VIP: variants seen among roughly 807,000 people sequenced by gnomAD.
VIP encodes the protein vasoactive intestinal peptide, also known as VIP peptides.
In VIP, 18 loss-of-function variants were observed where a neutral mutation model predicts 20.1. The ratio of observed to expected loss-of-function variants is 0.90; its 90% CI spans 0.62 to 1.33. The LOEUF (loss-of-function observed/expected upper bound fraction) is 1.33. Ranked by LOEUF, VIP falls within the 40% of genes most tolerant of loss-of-function variation. The probability of loss-of-function intolerance (pLI) is 0.00; values close to 1 mark genes in which losing one functional copy is unlikely to be tolerated. For synonymous variants in VIP, 70 were observed against 68.1 expected (o/e 1.03, Z -0.14); for missense variants, 209 against 199.4 (o/e 1.05, Z -0.29).
chr6:152,759,082 G>A lies in VIP; in HGVS notation c.*216G>A, dbSNP rs1331597493. On this transcript the variant is annotated 3_prime_UTR_variant, in exon 7 of 7. Transcript: ENST00000367244. ...TTTACATTGTAAATAGTATTTGAGA[G>A]TTCTAAATTTTGTCTTTAACTCATA... 1 of 152,286 alleles carries A rather than the reference G, an allele frequency of 6.6e-6. No individual in the cohort carries two copies. The highest frequency in any genetic ancestry group is 2.4e-5 in the African/African-American group (1 of 41,374). The allele number at this position is 152,286 out of a possible 1,614,324, so 9.4% of individuals were successfully genotyped here.
chr6:152,750,938 C>T lies in VIP; in HGVS notation c.-32C>T, dbSNP rs1235646336. ...CAAAACAAACCAGAACAGTCAGCTC[C>T]GGGGGAGCACGACTGGGCGAGGTAA... On this transcript the variant is annotated 5_prime_UTR_variant, in exon 1 of 7. Transcript: ENST00000367244. 6.6e-6 allele frequency: 1 copy of T among 152,106 alleles called. No homozygotes were observed. Among genetic ancestry groups the T allele is most frequent in the Non-Finnish European group, 1.5e-5 (1 of 68,040 alleles). 9.4% of individuals were successfully genotyped at this position (152,106 alleles called of 1,614,324 possible). A position where few individuals can be genotyped will look rare whatever the true frequency, so the allele number is the denominator to read the frequency against.
At chr6:152,754,749 T>G (rs556227160) in intron 3 of VIP, among the ~76,000 whole-genome samples, 11 of 152,054 alleles carry the variant, frequency 7.2e-5, no homozygotes, top group African/African-American at 2.4e-4. Context: ...GTGCTTCATT[T>G]GAAAGAGAAA....
chr6:152,755,834 A>T (rs1030087394), intron 4 of VIP, among the ~76,000 whole-genome samples: 5 of 151,466 alleles, frequency 3.3e-5, no homozygotes, highest in Admixed American at 6.6e-5. Context: ...AAAAAAAAAA[A>T]TTTCTCCCAA....
chr6:152,751,911 T>C (rs151121261), intron 1 of VIP, among the ~76,000 whole-genome samples: 95 of 152,248 alleles, frequency 6.2e-4, no homozygotes, highest in African/African-American at 2.3e-3. Flanking sequence ...TATAGAAGTA[T>C]GGCATTCAAT....
chr6:152,753,002 C>T (rs999513445), intron 2 of VIP, among the ~76,000 whole-genome samples: 3 of 152,162 alleles, frequency 2.0e-5, no homozygotes, highest in South Asian at 2.1e-4. Context: ...TTTCAGTTTA[C>T]GGGCACCACT....
At position 152,752,198 on chromosome 6, in the gene VIP, C is replaced by T. The variant is rs1187949227; in HGVS notation, c.21C>T (p.Ala7=). Residue 7 remains alanine (A), a synonymous_variant, in exon 2 of 7, where the codon GCC becomes GCT. Transcript: ENST00000367244. MDTRNK[A]QLLVLLTLLS... Reference sequence around the variant, plus strand: ...CAGAAATGGACACCAGAAATAAGGCCCAGCTCCTTGTGCTCCTGACTCTTC... The same window carrying T: ...CAGAAATGGACACCAGAAATAAGGCTCAGCTCCTTGTGCTCCTGACTCTTC... 2 of 1,613,382 alleles carry T rather than the reference C, an allele frequency of 1.2e-6. No homozygotes were observed. The highest frequency in any genetic ancestry group is 1.7e-5 in the Admixed American group (1 of 59,964).
At chr6:152,756,508 T>C (rs2099730450) in intron 5 of VIP, among the ~76,000 whole-genome samples, 1 of 151,934 alleles carries the variant, frequency 6.6e-6, no homozygotes, top group African/African-American at 2.4e-5. Context: ...ACATTTCTTT[T>C]AAGAGTTCCC....
At position 152,752,202 on chromosome 6, in the gene VIP, C is replaced by T; in HGVS notation, c.25C>T (p.Leu9Phe). 2.5e-6 allele frequency: 4 copies of T among 1,613,494 alleles called. No homozygotes were observed. The South Asian group carries it at 4.4e-5, about 18-fold the overall frequency. The change falls in exon 2 of 7, where the codon CTC becomes TTC. Residue 9 changes from leucine to phenylalanine, a missense_variant. Leu to Phe is a conservative substitution (Grantham distance 22, BLOSUM62 0). Coordinates refer to ENST00000367244, the MANE Select transcript of VIP (RefSeq NM_003381.4). The part of the protein sequence containing the change: MDTRNKAQ[L>F]LVLLTLLSVL... Reference sequence around the variant, plus strand: ...AATGGACACCAGAAATAAGGCCCAGCTCCTTGTGCTCCTGACTCTTCTCAG... The same window carrying T: ...AATGGACACCAGAAATAAGGCCCAGTTCCTTGTGCTCCTGACTCTTCTCAG...
rs746982014 is a variant in VIP at position 152,757,097 on chromosome 6, A to C, written c.469A>C (p.Ser157Arg). The part of the protein sequence containing the change: ...LNSILNGKRS[S>R]EGESPDFPEE... The stretch of plus-strand genomic sequence containing the variant: ...GTACAATGTTTTTCTGGTCTGCAGC[A>C]GTGAGGGAGAATCTCCCGACTTTCC... Residue 157 changes from serine (S) to arginine (R), a missense_variant and splice_region_variant, in exon 6 of 7, where the codon AGT becomes CGT. Transcript: ENST00000367244. 13 of 1,611,784 alleles carry C rather than the reference A, an allele frequency of 8.1e-6. No individual in the cohort carries two copies. In the East Asian group the frequency reaches 2.5e-4, roughly 30 times the overall value.
intron 4 of VIP, 73 bp downstream of exon 4, chr6:152,755,446 C>T: frequency 1.1e-6 from 1 of 949,998 alleles, no homozygotes; most frequent in Non-Finnish European, 1.5e-6. Flanking sequence ...TCACTCTTAA[C>T]AAGTTATTTA....
At chr6:152,758,634 A>G (rs755858644) in intron 6 of VIP, among the ~76,000 whole-genome samples, 1 of 151,984 alleles carries the variant, frequency 6.6e-6, no homozygotes, top group African/African-American at 2.4e-5. Context: ...AATTCTTTGA[A>G]GAGGAAATCA....
intron 4 of VIP, among the ~76,000 whole-genome samples, chr6:152,755,907 G>A (rs1426462954): frequency 1.3e-5 from 2 of 151,708 alleles, no homozygotes; most frequent in African/African-American, 4.8e-5. Context: ...TTGCTCAGCT[G>A]TACAGAATGT....
intron 5 of VIP, 89 bp from the exon 6 acceptor site, chr6:152,757,007 G>A: frequency 7.7e-7 from 1 of 1,300,136 alleles, no homozygotes; most frequent in Non-Finnish European, 1.1e-6. Flanking sequence ...AGAGCACAGA[G>A]AACAGCACAT....
chr6:152,756,103 T>C (rs1346334234), intron 4 of VIP, 31 bp from the exon 5 acceptor site: 28 of 1,490,184 alleles, frequency 1.9e-5, no homozygotes, highest in Non-Finnish European at 2.4e-5. Context: ...TTGTGAAAAC[T>C]CTTTGATTTC....
rs1044151769 is a variant in VIP, at chr6:152,757,104, G to A, written c.476G>A (p.Gly159Glu). Residue 159 changes from glycine to glutamate, a missense_variant, in exon 6 of 7, where the codon GGA becomes GAA. Coordinates refer to ENST00000367244, the MANE Select transcript of VIP (RefSeq NM_003381.4). ...GTTTTTCTGGTCTGCAGCAGTGAGG[G>A]AGAATCTCCCGACTTTCCAGAAGAG... Reference protein sequence around the residue: ...SILNGKRSSEGESPDFPEELE... With the variant: ...SILNGKRSSEEESPDFPEELE... 1 of 1,611,860 alleles carries A rather than the reference G, an allele frequency of 6.2e-7. No individual in the cohort carries two copies. The highest frequency in any genetic ancestry group is 8.5e-7 in the Non-Finnish European group (1 of 1,178,656).
chr6:152,754,564 A>G (rs913051349), intron 3 of VIP, among the ~76,000 whole-genome samples: 4 of 151,990 alleles, frequency 2.6e-5, no homozygotes, highest in African/African-American at 9.7e-5. Context: ...ACCAATTCTG[A>G]TAAAAGTACA....
chr6:152,752,753 C>A (rs2099729840), intron 2 of VIP, among the ~76,000 whole-genome samples: 1 of 151,924 alleles, frequency 6.6e-6, no homozygotes, highest in South Asian at 2.1e-4. Flanking sequence ...AGAAATCTAT[C>A]TAGGCAGAGT....
intron 6 of VIP, among the ~76,000 whole-genome samples, chr6:152,757,960 C>T (rs76141708): frequency 0.014 from 2,125 of 152,006 alleles, 48 homozygotes; most frequent in African/African-American, 0.048. Context: ...AAAGAAATTT[C>T]ATGCTGTCAC....
At chr6:152,756,334 A>C (rs2099730424) in intron 5 of VIP, 69 bp downstream of exon 5, 5 of 1,523,300 alleles carry the variant, frequency 3.3e-6, no homozygotes, top group Non-Finnish European at 3.5e-6. Context: ...CTGCACATGG[A>C]GACCTCTCTA....
Sources: allele counts gnomAD v4.1 joint callset (sites outside exome capture counted in the v4.1 genomes callset), GRCh38; gene constraint gnomAD v4.1.1; transcripts MANE v1.5; gene names NCBI Gene and HGNC (gene_info 2026-07-23, HGNC 2026-07-21).